Variants in DCUN1D2 observed in about 807,000 individuals in gnomAD.
The protein encoded by DCUN1D2 is DCN1-like protein 2.
Under a neutral mutation model 30.9 loss-of-function variants are expected in DCUN1D2, and 29 were observed. The ratio of observed to expected loss-of-function variants is 0.94; its 90% confidence interval spans 0.70 to 1.28. DCUN1D2 has a LOEUF of 1.28. DCUN1D2 is among the 50% of genes most tolerant of loss of function. The probability of loss-of-function intolerance (pLI) is 0.00; values close to 1 mark genes in which losing one functional copy is unlikely to be tolerated. For synonymous variants in DCUN1D2, 121 were observed against 115.3 expected (o/e 1.05, Z -0.32); for missense variants, 325 against 316.9 (o/e 1.03, Z -0.19).
chr13:113,479,999 G>A (rs1225881133), intron 3 of DCUN1D2, among the ~76,000 whole-genome samples: 1 of 152,152 alleles, frequency 6.6e-6, no homozygotes, highest in Non-Finnish European at 1.5e-5. Flanking sequence ...TGTATAAGCG[G>A]TCCACTGTTG....
Position 113,458,014 on chromosome 13 carries a change from T to C in DCUN1D2, c.*15A>G. ...ACAAATCATTTCATAATCTTACTCC[T>C]GCTTAACTTGCTGCCTAGAAAAGGC... On this transcript the variant is annotated 3_prime_UTR_variant, in exon 7 of 7. Coordinates refer to ENST00000478244, the MANE Select transcript of DCUN1D2 (RefSeq NM_001014283.2). The C allele has an allele frequency of 3.7e-6, 6 of 1,610,420 alleles. No individual in the cohort carries two copies. Among genetic ancestry groups the C allele is most frequent in the Non-Finnish European group, 5.1e-6 (6 of 1,176,588 alleles).
At chr13:113,474,287 A>G in intron 3 of DCUN1D2, 33 bp from the exon 4 acceptor site, 1 of 1,609,280 alleles carries the variant, frequency 6.2e-7, no homozygotes, top group Non-Finnish European at 8.5e-7. Context: ...GTCTTGCAGC[A>G]GATGCGCCTC....
chr13:113,477,131 G>A (rs887837576), intron 3 of DCUN1D2, among the ~76,000 whole-genome samples: 5 of 152,190 alleles, frequency 3.3e-5, no homozygotes, highest in South Asian at 2.1e-4. Flanking sequence ...TTGACTGCGC[G>A]TTTTCATAGA....
At chr13:113,472,109 C>T (rs562414018) in intron 4 of DCUN1D2, among the ~76,000 whole-genome samples, 2 of 152,142 alleles carry the variant, frequency 1.3e-5, no homozygotes, top group South Asian at 2.1e-4. Flanking sequence ...ACTCTGAGCC[C>T]GTGGTGTGTG....
chr13:113,478,346 T>TA (rs967729804), intron 3 of DCUN1D2, among the ~76,000 whole-genome samples: 9 of 152,116 alleles, frequency 5.9e-5, no homozygotes, highest in African/African-American at 2.2e-4. Flanking sequence ...TTTTTTTTTT[T>TA]AATGCTTCTG....
intron 4 of DCUN1D2, among the ~76,000 whole-genome samples, chr13:113,463,779 CACACACAGAG>C (rs796324272): frequency 3.6e-4 from 52 of 144,158 alleles, no homozygotes; most frequent in African/African-American, 1.3e-3. Context: ...CACACACAGA[CACACACAGAG>C]ACACACAGAC....
At chr13:113,474,799 A>G (rs2044585721) in intron 3 of DCUN1D2, among the ~76,000 whole-genome samples, 1 of 152,214 alleles carries the variant, frequency 6.6e-6, no homozygotes, top group Non-Finnish European at 1.5e-5. Flanking sequence ...AGCCTGGGCC[A>G]CTGTTACCTC....
intron 3 of DCUN1D2, among the ~76,000 whole-genome samples, chr13:113,478,638 C>T (rs547867569): frequency 1.3e-4 from 20 of 152,090 alleles, no homozygotes; most frequent in Non-Finnish European, 2.5e-4. Context: ...TACAAGCTTA[C>T]ATATATTGTA....
At chr13:113,484,438 T>C (rs1444398741) in intron 1 of DCUN1D2, among the ~76,000 whole-genome samples, 1 of 152,228 alleles carries the variant, frequency 6.6e-6, no homozygotes, top group African/African-American at 2.4e-5. Context: ...TCTTCTTTGG[T>C]TTCAATAAAG....
chr13:113,490,773 G>C, upstream of DCUN1D2: 3 of 1,081,762 alleles, frequency 2.8e-6, no homozygotes, highest in Non-Finnish European at 3.4e-6. The surrounding 1 kb of genome is among the most constrained non-coding windows in gnomAD (Gnocchi z 5.2). Flanking sequence ...CTCCGGGGCA[G>C]TGCCGGGAGC....
chr13:113,482,931 G>GA (rs1384555310), intron 2 of DCUN1D2, among the ~76,000 whole-genome samples: 1 of 152,082 alleles, frequency 6.6e-6, no homozygotes, highest in East Asian at 1.9e-4. Flanking sequence ...GACAGAGCAA[G>GA]ACTCCGTCAC....
chr13:113,466,463 T>C (rs536749844), intron 4 of DCUN1D2, among the ~76,000 whole-genome samples: 1 of 152,310 alleles, frequency 6.6e-6, no homozygotes, highest in South Asian at 2.1e-4. Context: ...GCAAAAATAC[T>C]TTTCAGTGTA....
At chr13:113,474,310 C>T in intron 3 of DCUN1D2, 56 bp from the exon 4 acceptor site, 5 of 1,595,884 alleles carry the variant, frequency 3.1e-6, no homozygotes, top group Non-Finnish European at 4.3e-6. Flanking sequence ...TAGTCGACTC[C>T]CCTTGTGCCC....
chr13:113,460,678 T>C (rs1185895503), intron 5 of DCUN1D2, among the ~76,000 whole-genome samples: 1 of 152,146 alleles, frequency 6.6e-6, no homozygotes, highest in African/African-American at 2.4e-5. Flanking sequence ...CACAGAAGTG[T>C]GGCGCTGGCA....
chr13:113,459,864 C>T (rs2044290208), intron 5 of DCUN1D2, among the ~76,000 whole-genome samples: 1 of 152,190 alleles, frequency 6.6e-6, no homozygotes, highest in African/African-American at 2.4e-5. Context: ...ATGTGCGTTC[C>T]TTTGCGTGGC....
intron 4 of DCUN1D2, among the ~76,000 whole-genome samples, chr13:113,470,574 T>G (rs189205489): frequency 6.6e-6 from 1 of 151,618 alleles, no homozygotes; most frequent in East Asian, 2.0e-4. Flanking sequence ...GGGACTCAAC[T>G]CCACAGGGAA....
At chr13:113,484,230 C>T (rs1163470579) in intron 1 of DCUN1D2, 174 bp from the exon 2 acceptor site, 1 of 1,366,578 alleles carries the variant, frequency 7.3e-7, no homozygotes, top group African/African-American at 1.5e-5. Flanking sequence ...TATACTGTAA[C>T]AAACAGGCAG....
At chr13:113,486,977 C>A (rs1276865643) in intron 1 of DCUN1D2, among the ~76,000 whole-genome samples, 1 of 152,172 alleles carries the variant, frequency 6.6e-6, no homozygotes, top group Non-Finnish European at 1.5e-5. Context: ...GTTTGCCGAC[C>A]CCGATCTAGA....
At chr13:113,459,199 GTAT>G (rs2044276934) in intron 6 of DCUN1D2, 110 bp downstream of exon 6, 1 of 666,306 alleles carries the variant, frequency 1.5e-6, no homozygotes, top group Admixed American at 2.4e-5. Flanking sequence ...GAAGGGGGTA[GTAT>G]TATGACCACG....
Sources: gnomAD v4.1 joint callset for allele counts (sites outside exome capture counted in the v4.1 genomes callset) on GRCh38, gnomAD v4.1.1 for gene constraint, Gnocchi (gnomAD v3.1) non-coding constraint, MANE v1.5 for transcripts, NCBI Gene and HGNC (gene_info 2026-07-23, HGNC 2026-07-21) for gene names.